Variants in APPBP2 observed in about 807,000 individuals in gnomAD.
The protein encoded by APPBP2 is amyloid protein-binding protein 2.
APPBP2 carries 15 observed loss-of-function variants against 76.0 expected under a neutral mutation model. The observed-to-expected ratio is 0.20, with a 90% CI of 0.13 to 0.30. The LOEUF is 0.30. Among genes scored for constraint, APPBP2 ranks in the 10% least tolerant of loss-of-function variants. APPBP2 has a pLI of 1.00. For synonymous variants in APPBP2, 222 were observed against 242.2 expected, an observed-to-expected ratio of 0.92 and a Z score of 0.77; for missense variants, 401 against 687.2, an observed-to-expected ratio of 0.58 and a Z score of 4.66.
At chr17:60,522,299 C>A (rs2091015380) in intron 1 of APPBP2, among the ~76,000 whole-genome samples, 1 of 152,138 alleles carries the variant, frequency 6.6e-6, no homozygotes, top group South Asian at 2.1e-4. Flanking sequence ...TCATGACAAT[C>A]ATTCTTACAA....
chr17:60,469,537 A>G (rs897943586), intron 4 of APPBP2, among the ~76,000 whole-genome samples: 1 of 152,120 alleles, frequency 6.6e-6, no homozygotes, highest in Non-Finnish European at 1.5e-5. Context: ...TCCACTTCCA[A>G]AACTTTTTCA....
chr17:60,499,146 C>G (rs1406824330), intron 2 of APPBP2, among the ~76,000 whole-genome samples: 1 of 151,866 alleles, frequency 6.6e-6, no homozygotes, highest in African/African-American at 2.4e-5. Flanking sequence ...GCCTGGGCAA[C>G]ACAGCGAGAC....
At chr17:60,486,743 T>C (rs1271718853) in intron 3 of APPBP2, among the ~76,000 whole-genome samples, 1 of 152,212 alleles carries the variant, frequency 6.6e-6, no homozygotes, top group Non-Finnish European at 1.5e-5. Context: ...ACTATGATGT[T>C]AGCCGGTTAT....
At chr17:60,456,487 A>G (rs1265779745) in intron 9 of APPBP2, 106 bp from the exon 10 acceptor site, 7 of 750,224 alleles carry the variant, frequency 9.3e-6, no homozygotes, top group African/African-American at 1.8e-5. Flanking sequence ...AGTACTTCTA[A>G]AACTATCTGT....
intron 1 of APPBP2, among the ~76,000 whole-genome samples, chr17:60,512,831 C>CG (rs2090925938): frequency 1.9e-5 from 1 of 53,068 alleles, no homozygotes; most frequent in African/African-American, 8.6e-5. Flanking sequence ...GAGACTCCAT[C>CG]TAAAAAAAAA....
chr17:60,454,560 T>C, intron 10 of APPBP2, 68 bp from the exon 11 acceptor site: 1 of 1,008,146 alleles, frequency 9.9e-7, no homozygotes, highest in South Asian at 1.9e-5. Flanking sequence ...AACATCTAAT[T>C]TAAACTTAAA....
intron 2 of APPBP2, among the ~76,000 whole-genome samples, chr17:60,497,431 G>C (rs1423840835): frequency 6.6e-6 from 1 of 152,124 alleles, no homozygotes; most frequent in Non-Finnish European, 1.5e-5. Flanking sequence ...TCTAGTATTT[G>C]CTAACACAAC....
In APPBP2 at chr17:60,447,100, G is replaced by T. The variant is rs1375329130; in HGVS notation, c.*481C>A. ...ATGTCCCTCTTTTATTAGTACTTGT[G>T]TTAACTTTTCTATACTGCATATAAA... On this transcript the variant is annotated 3_prime_UTR_variant, in exon 13 of 13. Transcript: ENST00000083182. The T allele has an allele frequency of 6.5e-6, 1 of 153,204 alleles. No homozygotes were observed. Among genetic ancestry groups the T allele is most frequent in the African/African-American group, 2.4e-5 (1 of 41,436 alleles). The allele number at this position is 153,204 out of a possible 1,614,324, so 9.5% of individuals were successfully genotyped here.
At chr17:60,500,616 C>G (rs796871092) in intron 1 of APPBP2, 129 bp from the exon 2 acceptor site, 2 of 681,262 alleles carry the variant, frequency 2.9e-6, no homozygotes, top group Non-Finnish European at 5.1e-6. Flanking sequence ...GTAACACTAA[C>G]AAATTTCTAC....
chr17:60,511,774 AAT>A (rs1295917176), intron 1 of APPBP2, among the ~76,000 whole-genome samples: 1 of 152,174 alleles, frequency 6.6e-6, no homozygotes, highest in East Asian at 1.9e-4. Context: ...TACAGAGGAA[AAT>A]CACTGTCAAC....
At chr17:60,466,879 A>C (rs2090515181) in intron 4 of APPBP2, among the ~76,000 whole-genome samples, 1 of 152,190 alleles carries the variant, frequency 6.6e-6, no homozygotes, top group Non-Finnish European at 1.5e-5. Context: ...ATCAGTTACC[A>C]CTTATTTCAT....
At chr17:60,454,209 G>T in intron 11 of APPBP2, 93 bp downstream of exon 11, 1 of 921,760 alleles carries the variant, frequency 1.1e-6, no homozygotes, top group Non-Finnish European at 1.6e-6. Flanking sequence ...TGTGCAATAA[G>T]TGTATAATTT....
At chr17:60,494,234 C>T (rs935431224) in intron 3 of APPBP2, among the ~76,000 whole-genome samples, 14 of 152,172 alleles carry the variant, frequency 9.2e-5, no homozygotes, top group African/African-American at 2.2e-4. Context: ...AGTCTGTTTC[C>T]TCATTTGTAA....
At chr17:60,451,180 A>G (rs1170441691) in intron 12 of APPBP2, among the ~76,000 whole-genome samples, 4 of 152,224 alleles carry the variant, frequency 2.6e-5, no homozygotes, top group Non-Finnish European at 5.9e-5. Context: ...ACATAAAAAT[A>G]TACATTGTAT....
chr17:60,456,934 G>A (rs868833284), intron 9 of APPBP2, among the ~76,000 whole-genome samples: 6 of 151,884 alleles, frequency 4.0e-5, no homozygotes, highest in Admixed American at 3.3e-4. Context: ...TCAGGAGTTC[G>A]AGACAAGCCT....
chr17:60,507,710 G>T (rs1325439479), intron 1 of APPBP2, among the ~76,000 whole-genome samples: 1 of 152,060 alleles, frequency 6.6e-6, no homozygotes, highest in Non-Finnish European at 1.5e-5. Flanking sequence ...AGATTAACCC[G>T]GTTGGTAAAT....
intron 9 of APPBP2, 21 bp downstream of exon 9, chr17:60,460,642 G>A: frequency 1.2e-6 from 2 of 1,601,460 alleles, no homozygotes; most frequent in South Asian, 1.1e-5. Context: ...CTCCTTCAGA[G>A]AAAAGGAATG....
In APPBP2 at chr17:60,518,196, C is replaced by G. The variant is rs987306173; in HGVS notation, c.138+7598G>C. Among the ~76,000 whole-genome samples, 4 of 151,536 alleles carry G rather than the reference C, an allele frequency of 2.6e-5. No homozygotes were observed. In the South Asian group the frequency reaches 8.3e-4, roughly 32 times the overall value. The stretch of plus-strand genomic sequence containing the variant: ...AGTAACTGGCACTACAGGTGTATGT[C>G]GCCATGCCTAGCTTATTTTTTATTG... On this transcript the variant is annotated intron_variant, in intron 1 of 12. Transcript: ENST00000083182.
In APPBP2 at chr17:60,447,491, T is replaced by A; in HGVS notation, c.*90A>T. 1 of 1,473,078 alleles carries A rather than the reference T, an allele frequency of 6.8e-7. No homozygotes were observed. The highest frequency in any genetic ancestry group is 9.1e-7 in the Non-Finnish European group (1 of 1,100,606). 91.3% of individuals were successfully genotyped at this position (1,473,078 alleles called of 1,614,324 possible). A position where few individuals can be genotyped will look rare whatever the true frequency, so the allele number is the denominator to read the frequency against. Reference sequence around the variant, plus strand: ...GACTGGACCAGTGTTTCAATGCAAATTCCAGCCCCCCAAAACAACATGGTT... The same window carrying A: ...GACTGGACCAGTGTTTCAATGCAAAATCCAGCCCCCCAAAACAACATGGTT... On this transcript the variant is annotated 3_prime_UTR_variant, in exon 13 of 13. Coordinates refer to ENST00000083182, the MANE Select transcript of APPBP2 (RefSeq NM_006380.5).
Sources: allele counts gnomAD v4.1 joint callset (sites outside exome capture counted in the v4.1 genomes callset), GRCh38; gene constraint gnomAD v4.1.1; transcripts MANE v1.5; gene names NCBI Gene and HGNC (gene_info 2026-07-23, HGNC 2026-07-21).